TAOK1: variants seen among roughly 807,000 people sequenced by gnomAD.
TAOK1 encodes the protein serine/threonine-protein kinase TAO1.
Under a neutral mutation model 138.3 loss-of-function variants are expected in TAOK1, and 21 were observed. That is an observed-to-expected ratio of 0.15 (90% CI 0.11 to 0.22). The LOEUF is 0.22. Ranked by LOEUF, TAOK1 falls within the 10% of genes least tolerant of loss-of-function variation. The probability of loss-of-function intolerance (pLI) is 1.00; values close to 1 mark genes in which losing one functional copy is unlikely to be tolerated. For missense variants in TAOK1, 651 were observed against 1,227.7 expected (o/e 0.53, Z 7.02); for synonymous variants, 361 against 398.4 (o/e 0.91, Z 1.12).
chr17:29,423,432 T>A (rs1598474988), intron 1 of TAOK1, among the ~76,000 whole-genome samples: 1 of 151,758 alleles, frequency 6.6e-6, no homozygotes, highest in Non-Finnish European at 1.5e-5. Flanking sequence ...TTAGCCAGGA[T>A]GGTCTCGATC....
chr17:29,396,820 G>A (rs1598462282), intron 1 of TAOK1, among the ~76,000 whole-genome samples: 4 of 151,540 alleles, frequency 2.6e-5, no homozygotes, highest in South Asian at 2.1e-4. Context: ...GAGGAAACCC[G>A]TCTCTACTAA....
intron 19 of TAOK1, among the ~76,000 whole-genome samples, chr17:29,534,834 A>G (rs1213885844): frequency 1.3e-5 from 2 of 152,194 alleles, no homozygotes; most frequent in Non-Finnish European, 2.9e-5. Context: ...TGTTATTTCT[A>G]GATGCACATC....
intron 17 of TAOK1, among the ~76,000 whole-genome samples, chr17:29,524,693 G>A (rs761398834): frequency 3.3e-5 from 5 of 152,114 alleles, no homozygotes; most frequent in Non-Finnish European, 5.9e-5. Context: ...AGTAATCGTT[G>A]CCTCTTTCAA....
intron 1 of TAOK1, among the ~76,000 whole-genome samples, chr17:29,401,326 G>A (rs2153020132): frequency 6.6e-6 from 1 of 152,266 alleles, no homozygotes; most frequent in Non-Finnish European, 1.5e-5. Context: ...GGTTCTGTGG[G>A]CTATACAGGC....
intron 18 of TAOK1, among the ~76,000 whole-genome samples, chr17:29,533,381 C>T (rs560699484): frequency 0.017 from 2,535 of 148,618 alleles, 29 homozygotes; most frequent in Middle Eastern, 0.036. Context: ...AGAGGGGCTC[C>T]TCACATCCCA....
intron 1 of TAOK1, among the ~76,000 whole-genome samples, chr17:29,398,812 G>A (rs1217561257): frequency 2.0e-5 from 3 of 151,214 alleles, no homozygotes; most frequent in Admixed American, 6.6e-5. Context: ...GATTACAGGC[G>A]GGCATGAGCC....
chr17:29,411,543 C>T (rs561227157), intron 1 of TAOK1, among the ~76,000 whole-genome samples: 4 of 152,126 alleles, frequency 2.6e-5, no homozygotes, highest in African/African-American at 9.6e-5. Context: ...AGGCACACAC[C>T]GCCATGCCTG....
At chr17:29,472,483 C>A (rs184992913) in intron 3 of TAOK1, among the ~76,000 whole-genome samples, 399 of 152,074 alleles carry the variant, frequency 2.6e-3, no homozygotes, top group Middle Eastern at 0.01. Flanking sequence ...GAACTCCTGA[C>A]CTCAGGTGAT....
At position 29,542,941 on chromosome 17, in the gene TAOK1, G is replaced by A; in HGVS notation, c.2925G>A (p.Gly975=). ...SPQALRRTAS[G]GRTEQGMSRS... ...AGGCTCTGAGGCGGACAGCTTCTGG[G>A]GGACGGACGGAGCAGGGCATGAGCA... The change falls in exon 20 of 20, where the codon GGG becomes GGA. Residue 975 remains glycine (G), a synonymous_variant. Coordinates refer to ENST00000261716, the MANE Select transcript of TAOK1 (RefSeq NM_020791.4). The A allele has an allele frequency of 1.2e-6, 2 of 1,613,588 alleles. No homozygotes were observed. The highest frequency in any genetic ancestry group is 1.1e-5 in the South Asian group (1 of 91,030).
chr17:29,397,078 T>C (rs937360490), intron 1 of TAOK1, among the ~76,000 whole-genome samples: 12 of 144,620 alleles, frequency 8.3e-5, no homozygotes, highest in African/African-American at 1.3e-4. Context: ...GTGGATCACC[T>C]GAGGTCAGGA....
intron 2 of TAOK1, among the ~76,000 whole-genome samples, chr17:29,454,703 GT>G (rs879867863): frequency 2.0e-5 from 3 of 146,550 alleles, no homozygotes; most frequent in South Asian, 2.2e-4. Context: ...TTGTTTTTTT[GT>G]TTTTTTTTTG....
intron 8 of TAOK1, among the ~76,000 whole-genome samples, chr17:29,486,372 C>T (rs922693737): frequency 3.3e-5 from 5 of 152,214 alleles, no homozygotes; most frequent in Admixed American, 3.3e-4. Flanking sequence ...GTGGCTTATG[C>T]CTGTAATCCC....
intron 12 of TAOK1, among the ~76,000 whole-genome samples, chr17:29,499,950 C>G (rs1258751416): frequency 6.6e-6 from 1 of 152,066 alleles, no homozygotes; most frequent in Non-Finnish European, 1.5e-5. Flanking sequence ...TACTCTTTAC[C>G]CTTTTGAATA....
intron 2 of TAOK1, among the ~76,000 whole-genome samples, chr17:29,457,486 A>C (rs755082588): frequency 7.1e-6 from 1 of 140,724 alleles, no homozygotes; most frequent in African/African-American, 2.7e-5. Context: ...GCTCACTGCA[A>C]CCTCCACATC....
intron 9 of TAOK1, 41 bp from the exon 10 acceptor site, chr17:29,491,743 G>T: frequency 7.1e-7 from 1 of 1,416,068 alleles, no homozygotes; most frequent in South Asian, 1.2e-5. Flanking sequence ...ATTTTTAAAG[G>T]AAATAGCAAT....
At chr17:29,428,073 A>G (rs1247185814) in intron 1 of TAOK1, among the ~76,000 whole-genome samples, 1 of 152,186 alleles carries the variant, frequency 6.6e-6, no homozygotes, top group Admixed American at 6.5e-5. Flanking sequence ...ATGCCACCCA[A>G]ATGAATAAGT....
At chr17:29,514,953 C>T (rs1387671153) in intron 15 of TAOK1, 1 of 140,762 alleles carries the variant, frequency 7.1e-6, no homozygotes, top group Non-Finnish European at 1.5e-5. Flanking sequence ...GAGCTGAATT[C>T]GTGCCAGTGC....
intron 17 of TAOK1, among the ~76,000 whole-genome samples, chr17:29,528,857 A>G (rs1221647909): frequency 2.0e-5 from 3 of 150,812 alleles, no homozygotes; most frequent in Non-Finnish European, 4.4e-5. Flanking sequence ...AAAAAAAAAA[A>G]AAAAAAAGAA....
Position 29,542,820 on chromosome 17 carries a change from A to G in TAOK1, c.2804A>G (p.His935Arg), listed in dbSNP as rs1368723140. ...GGTGGCCCACCACAAGCTTGGGGCC[A>G]TCCAATGCAAGGTGGACCCCAGCCA... ...PMGGPPQAWG[H>R]PMQGGPQPWG... Residue 935 changes from histidine (H) to arginine (R), a missense_variant, in exon 20 of 20, where the codon CAT becomes CGT. His to Arg is a conservative substitution (Grantham distance 29). Around this residue, in one of 8 missense-constraint regions of TAOK1, gnomAD observed 108 missense variants for 120.3 expected, o/e 0.90. Transcript: ENST00000261716. 6.2e-7 allele frequency: 1 copy of G among 1,614,144 alleles called. No homozygotes were observed. Among genetic ancestry groups the G allele is most frequent in the East Asian group, 2.2e-5 (1 of 44,884 alleles).
Sources: allele counts gnomAD v4.1 joint callset (sites outside exome capture counted in the v4.1 genomes callset), GRCh38; gene constraint gnomAD v4.1.1; regional missense constraint gnomAD v4.1.1; transcripts MANE v1.5; gene names NCBI Gene and HGNC (gene_info 2026-07-23, HGNC 2026-07-21).